The following BICDL1 variants were observed in gnomAD, a reference collection of about 807,000 sequenced individuals.
The protein encoded by BICDL1 is BICD family like cargo adaptor 1.
Under a neutral mutation model 76.8 loss-of-function variants are expected in BICDL1, and 20 were observed. That is an observed-to-expected ratio of 0.26 (90% CI 0.18 to 0.38). BICDL1 has a LOEUF of 0.38. Ranked by LOEUF, BICDL1 falls within the 10% of genes least tolerant of loss-of-function variation. The pLI is 1.00. For synonymous variants in BICDL1, 383 were observed against 337.1 expected (o/e 1.14, Z -1.49); for missense variants, 700 against 798.6 (o/e 0.88, Z 1.49).
chr12:120,019,699 C>G (rs1241661509), intron 2 of BICDL1, among the ~76,000 whole-genome samples: 1 of 152,132 alleles, frequency 6.6e-6, no homozygotes, highest in Non-Finnish European at 1.5e-5. Flanking sequence ...ATCCCCCTGC[C>G]TCAGCCTCCC....
At chr12:120,022,905 G>A (rs1952212629) in intron 2 of BICDL1, among the ~76,000 whole-genome samples, 1 of 152,208 alleles carries the variant, frequency 6.6e-6, no homozygotes. Context: ...AGAAAGAAGA[G>A]AGAGATACAG....
intron 8 of BICDL1, among the ~76,000 whole-genome samples, chr12:120,086,738 C>T (rs1310684397): frequency 6.6e-6 from 1 of 152,206 alleles, no homozygotes; most frequent in Non-Finnish European, 1.5e-5. Flanking sequence ...AAAAACAAGT[C>T]AGTTACTAGT....
chr12:120,084,024 GACGGAGTCTC>G (rs1453331849), intron 8 of BICDL1, among the ~76,000 whole-genome samples: 1 of 150,532 alleles, frequency 6.6e-6, no homozygotes, highest in East Asian at 2.0e-4. Flanking sequence ...TTTTCTTTGA[GACGGAGTCTC>G]ACTCAGTCAC....
intron 2 of BICDL1, among the ~76,000 whole-genome samples, chr12:120,006,294 G>T (rs535589493): frequency 2.8e-4 from 42 of 152,256 alleles, no homozygotes; most frequent in Non-Finnish European, 4.4e-4. Flanking sequence ...AGACGTATTT[G>T]TTTTATGTAT....
At chr12:120,088,808 A>G (rs985756392) in intron 8 of BICDL1, among the ~76,000 whole-genome samples, 1 of 152,122 alleles carries the variant, frequency 6.6e-6, no homozygotes, top group African/African-American at 2.4e-5. Context: ...CTGGGACTAC[A>G]GGCACCTGCC....
At position 120,093,569 on chromosome 12, in the gene BICDL1, G is replaced by A. The variant is rs1174996289; in HGVS notation, c.*408G>A. The A allele has an allele frequency of 9.9e-6, 2 of 201,046 alleles. No individual in the cohort carries two copies. The highest frequency in any genetic ancestry group is 5.3e-5 in the Admixed American group (1 of 18,852). The allele number at this position is 201,046 out of a possible 1,614,324, so 12.5% of individuals were successfully genotyped here. A position where few individuals can be genotyped will look rare whatever the true frequency, so the allele number is the denominator to read the frequency against. The stretch of plus-strand genomic sequence containing the variant: ...AAGGAATGGAGGCCCTTCTCTGCAT[G>A]CCTCAGGAGGCCTGAGCCCCAGGGG... On this transcript the variant is annotated 3_prime_UTR_variant, in exon 10 of 10. Transcript: ENST00000548673.
chr12:120,089,343 C>T (rs544896120), intron 8 of BICDL1, among the ~76,000 whole-genome samples: 8 of 145,372 alleles, frequency 5.5e-5, no homozygotes, highest in African/African-American at 1.5e-4. Flanking sequence ...GTGTGTGTGG[C>T]GTGTGTGTGT....
intron 9 of BICDL1, chr12:120,091,249 G>GA (rs1485544020): frequency 1.7e-6 from 2 of 1,143,832 alleles, no homozygotes; most frequent in Admixed American, 4.0e-5. Context: ...TCTCATAGAT[G>GA]GCTGTTCCAT....
intron 2 of BICDL1, among the ~76,000 whole-genome samples, chr12:120,017,987 A>C (rs1952100394): frequency 1.3e-5 from 2 of 152,160 alleles, no homozygotes; most frequent in Admixed American, 6.5e-5. Context: ...ATTGCTGTTT[A>C]TATCTACCCG....
At chr12:120,062,459 C>T (rs1448868449) in intron 3 of BICDL1, among the ~76,000 whole-genome samples, 1 of 152,100 alleles carries the variant, frequency 6.6e-6, no homozygotes, top group Non-Finnish European at 1.5e-5. Context: ...TCCACCTGGT[C>T]TGCTTTTGAG....
In BICDL1 at chr12:119,989,292, T is replaced by TGCA. The variant is rs10603226; in HGVS notation, c.-565_-563dup. Among the ~76,000 whole-genome samples the TGCA allele has an allele frequency of 2.2e-4, 33 of 150,060 alleles. No homozygotes were observed. The highest frequency in any genetic ancestry group is 6.8e-3 in the Middle Eastern group (2 of 292). On this transcript the variant is annotated 5_prime_UTR_variant, in exon 1 of 10. Transcript: ENST00000548673. ...GATGTGGAGCCGCCGCCTCGGCCCC[T>TGCA]GCAGCAGCAGCAGCCGCCGTCGCCG...
At chr12:120,091,879 A>G in intron 9 of BICDL1, 1 of 985,328 alleles carries the variant, frequency 1.0e-6, no homozygotes, top group Non-Finnish European at 1.2e-6. Context: ...GCTGCTCGGA[A>G]CCAAAGAGGT....
intron 2 of BICDL1, among the ~76,000 whole-genome samples, chr12:120,052,128 G>A (rs1468726008): frequency 6.6e-6 from 1 of 151,984 alleles, no homozygotes; most frequent in Non-Finnish European, 1.5e-5. Flanking sequence ...ATTTTTAGTA[G>A]AGACGGGTTT....
chr12:119,990,419 GGAAT>G (rs1246184599), intron 1 of BICDL1, 122 bp downstream of exon 1: 1 of 1,475,320 alleles, frequency 6.8e-7, no homozygotes, highest in Non-Finnish European at 9.0e-7. Context: ...CAGAAAATCT[GGAAT>G]GAATGGGGGA....
intron 2 of BICDL1, among the ~76,000 whole-genome samples, chr12:120,056,230 A>G (rs1952968080): frequency 6.6e-6 from 1 of 152,160 alleles, no homozygotes; most frequent in Non-Finnish European, 1.5e-5. Context: ...TGTAACTTTT[A>G]TCATAGAAAG....
intron 8 of BICDL1, among the ~76,000 whole-genome samples, chr12:120,088,524 T>G (rs993616002): frequency 2.0e-5 from 3 of 150,552 alleles, no homozygotes; most frequent in Non-Finnish European, 4.4e-5. Context: ...ACCCAGCTAA[T>G]TTTTGTATTT....
chr12:119,997,677 C>G (rs1162901924), intron 1 of BICDL1, among the ~76,000 whole-genome samples: 1 of 152,154 alleles, frequency 6.6e-6, no homozygotes, highest in African/African-American at 2.4e-5. Context: ...GTCACTTAAC[C>G]TCTTCTGTTG....
At position 120,032,275 on chromosome 12, in the gene BICDL1, T is replaced by C. The variant is rs553775853; in HGVS notation, c.646-29435T>C. On this transcript the variant is annotated intron_variant, in intron 2 of 9. Coordinates refer to ENST00000548673, the MANE Select transcript of BICDL1 (RefSeq NM_001367886.1). Reference sequence around the variant, plus strand: ...GATGAATTGGGTAGCTTTGGGGTCCTGAAGAATGACAGAAACAAGGAGCAG... The same window carrying C: ...GATGAATTGGGTAGCTTTGGGGTCCCGAAGAATGACAGAAACAAGGAGCAG... Among the ~76,000 whole-genome samples, 3 of 152,312 alleles carry C rather than the reference T, an allele frequency of 2.0e-5. No individual in the cohort carries two copies. In the East Asian group the frequency reaches 5.8e-4, roughly 29 times the overall value.
intron 3 of BICDL1, among the ~76,000 whole-genome samples, chr12:120,062,350 C>T (rs1002580387): frequency 6.6e-6 from 1 of 152,096 alleles, no homozygotes; most frequent in Non-Finnish European, 1.5e-5. Context: ...AAGAAAGTAT[C>T]GGCAGGGGAA....
Sources: gnomAD v4.1 joint callset for allele counts (sites outside exome capture counted in the v4.1 genomes callset) on GRCh38, gnomAD v4.1.1 for gene constraint, MANE v1.5 for transcripts, NCBI Gene and HGNC (gene_info 2026-07-23, HGNC 2026-07-21) for gene names.